Variants in SALL1 observed in about 807,000 individuals in gnomAD.
The protein encoded by SALL1 is spalt like transcription factor 1, also known as sal-like protein 1.
Under a neutral mutation model 73.1 loss-of-function variants are expected in SALL1, and 10 were observed. That is an observed-to-expected ratio of 0.14 (90% CI 0.08 to 0.23). The LOEUF is 0.23. SALL1 is among the 10% of genes least tolerant of loss of function. The pLI, the probability that SALL1 is intolerant of heterozygous loss-of-function variation, is 1.00. For synonymous variants in SALL1, 688 were observed against 689.8 expected (o/e 1.00, Z 0.04); for missense variants, 1,520 against 1,697.3 (o/e 0.90, Z 1.84).
chr16:51,151,745 C>T (rs1239652540), upstream of SALL1, among the ~76,000 whole-genome samples: 1 of 121,094 alleles, frequency 8.3e-6, no homozygotes, highest in Non-Finnish European at 1.7e-5. Context: ...CCCTCCTTCG[C>T]CCCCCCCCAC....
chr16:51,149,081 AC>A (rs1354909206), intron 1 of SALL1, among the ~76,000 whole-genome samples: 1 of 152,182 alleles, frequency 6.6e-6, no homozygotes, highest in African/African-American at 2.4e-5. Context: ...TACTTAACTT[AC>A]CTCAAAGCTC....
In SALL1 at chr16:51,139,493, T is replaced by C. The variant is rs1012247788; in HGVS notation, c.2729A>G (p.Glu910Gly). Residue 910 changes from glutamate to glycine, a missense_variant, in exon 2 of 3, where the codon GAA becomes GGA. Glu to Gly is a moderately conservative substitution (Grantham distance 98). Around this residue, in one of 7 missense-constraint regions of SALL1, gnomAD observed 266 missense variants for 275.1 expected, o/e 0.97. Coordinates refer to ENST00000251020, the MANE Select transcript of SALL1 (RefSeq NM_002968.3). ...NDSSSVGGDM[E>G]SQSAGSPAIS... ...GGCTGGGCTGCCAGCACTTTGGCTT[T>C]CCATGTCACCACCCACTGAGGATGA... The C allele has an allele frequency of 6.2e-7, 1 of 1,614,086 alleles. No individual in the cohort carries two copies. The highest frequency in any genetic ancestry group is 1.3e-5 in the African/African-American group (1 of 74,924).
chr16:51,150,971 G>A (rs963014420), intron 1 of SALL1, 195 bp downstream of exon 1: 140 of 415,814 alleles, frequency 3.4e-4, no homozygotes, highest in Middle Eastern at 1.2e-3. Flanking sequence ...TTTCCCCGGG[G>A]CAGCGGGGGA....
rs780622327 is a variant in SALL1 at position 51,139,773 on chromosome 16, T to C, written c.2449A>G (p.Asn817Asp). 1 of 1,614,072 alleles carries C rather than the reference T, an allele frequency of 6.2e-7. No individual in the cohort carries two copies. The highest frequency in any genetic ancestry group is 1.7e-5 in the Admixed American group (1 of 60,006). ...GAGAAGTTGTCTAGGTCATCAAAAT[T>C]TTTCTCATCAAAGGAACCTGTGTCA... ...ESDTGSFDEK[N>D]FDDLDNFSDE... is the part of the protein sequence containing the mutation. The change falls in exon 2 of 3, where the codon AAT becomes GAT. Residue 817 changes from asparagine (N) to aspartate (D), a missense_variant. Physicochemically the swap from Asn to Asp is conservative, Grantham distance 23. Transcript: ENST00000251020.
Position 51,140,950 on chromosome 16 carries a change from C to G in SALL1, c.1272G>C (p.Gln424His). The G allele has an allele frequency of 7.4e-6, 12 of 1,614,246 alleles. No individual in the cohort carries two copies. Among genetic ancestry groups the G allele is most frequent in the Non-Finnish European group, 1.0e-5 (12 of 1,180,056 alleles). Residue 424 changes from glutamine (Q) to histidine (H), a missense_variant, in exon 2 of 3, where the codon CAG becomes CAC. Transcript: ENST00000251020. The surrounding 1 kb of genome is among the most constrained non-coding windows in gnomAD (Gnocchi z 5.7). The stretch of plus-strand genomic sequence containing the variant: ...CATTTGGTGGCTTGCTTTTTCTTTG[C>G]TGGGCCAAGGCAGACAAGGAGTTTA... Reference protein sequence around the residue: ...EDLNSLSALAQQRKSKPPNVT... With the variant: ...EDLNSLSALAHQRKSKPPNVT...
chr16:51,151,309 A>C, upstream of SALL1: 4 of 1,207,402 alleles, frequency 3.3e-6, no homozygotes, highest in Non-Finnish European at 4.4e-6. Context: ...AAATTACGGA[A>C]ATCGAGCGGC....
At chr16:51,145,513 T>C (rs1962503842) in intron 1 of SALL1, among the ~76,000 whole-genome samples, 1 of 152,142 alleles carries the variant, frequency 6.6e-6, no homozygotes, top group Non-Finnish European at 1.5e-5. Flanking sequence ...TGGAATTTTC[T>C]GGGCCTTTTG....
At chr16:51,151,816 G>A (rs1297304007), upstream of SALL1, among the ~76,000 whole-genome samples, 2 of 151,306 alleles carry the variant, frequency 1.3e-5, no homozygotes, top group Admixed American at 6.6e-5. Flanking sequence ...CGCCCCGGGT[G>A]GGGGGTGGGG....
At chr16:51,151,349 G>A, upstream of SALL1, 1 of 577,662 alleles carries the variant, frequency 1.7e-6, no homozygotes, top group East Asian at 5.0e-5. Flanking sequence ...CCCGCCCGCC[G>A]GCCCGCCCGC....
At chr16:51,151,367 C>T (rs1962603867), upstream of SALL1, 3 of 361,110 alleles carry the variant, frequency 8.3e-6, no homozygotes, top group East Asian at 6.0e-5. Flanking sequence ...CGCCCCCTCC[C>T]CGGCTCCCCG....
In SALL1 at chr16:51,151,174, C is replaced by A; in HGVS notation, c.68G>T (p.Arg23Leu). ...CGGGCCGGAGCACTCACCATCTCGC[C>A]GGGGGAGCGAGGCCACTTCGGGGTC... ...QSDPEVASLP[R>L]RDGDTEKGQP... Residue 23 changes from arginine (R) to leucine (L), a missense_variant, in exon 1 of 3, where the codon CGG (arginine) becomes CTG (leucine). Physicochemically the swap from Arg to Leu is moderately radical, Grantham distance 102. Around this residue, in one of 7 missense-constraint regions of SALL1, gnomAD observed 540 missense variants for 567.5 expected, o/e 0.95. Coordinates refer to ENST00000251020, the MANE Select transcript of SALL1 (RefSeq NM_002968.3). The A allele has an allele frequency of 6.3e-7, 1 of 1,596,232 alleles. No homozygotes were observed. The highest frequency in any genetic ancestry group is 2.3e-5 in the East Asian group (1 of 44,014).
rs774128799 is a variant in SALL1 at position 51,139,939 on chromosome 16, C to G, written c.2283G>C (p.Pro761=). The G allele has an allele frequency of 1.5e-5, 25 of 1,614,088 alleles. No individual in the cohort carries two copies. The African/African-American group carries it at 2.7e-4, about 17-fold the overall frequency. The change falls in exon 2 of 3, where the codon CCG becomes CCC. Residue 761 remains proline, a synonymous_variant. Coordinates refer to ENST00000251020, the MANE Select transcript of SALL1 (RefSeq NM_002968.3). ...THYSVHRAMP[P]LRVQHSCPIC... ...TGGGGCAGGAATGCTGGACTCTGAG[C>G]GGGGGCATAGCACGATGGACACTGT...
intron 1 of SALL1, chr16:51,150,432 A>T: frequency 1.0e-6 from 1 of 985,524 alleles, no homozygotes; most frequent in Middle Eastern, 5.2e-4. Context: ...AGAGATGCGG[A>T]GATAAATTTT....
rs887605530 is a variant in SALL1, at chr16:51,142,297, C to G, written c.77-152G>C. On this transcript the variant is annotated intron_variant, in intron 1 of 2. Transcript: ENST00000251020. ...CCAATCAATATTACCTAAGAACATC[C>G]ATAATTAATTTGTAAGGGTATGGAG... 9.0e-6 allele frequency: 6 copies of G among 667,008 alleles called. No homozygotes were observed. In the African/African-American group the frequency reaches 1.1e-4, roughly 12 times the overall value. The allele number at this position is 667,008 out of a possible 1,614,324, so 41.3% of individuals were successfully genotyped here. A position where few individuals can be genotyped will look rare whatever the true frequency, so the allele number is the denominator to read the frequency against.
chr16:51,137,190 T>A lies in SALL1; in HGVS notation c.3897A>T (p.Lys1299Asn). ...EPNAPLAGLE[K>N]MASSENGTNF... ...TGGTTCCGTTCTCACTGCTTGCCAT[T>A]TTCTCCAGGCCGGCCAGGGGAGCAT... Residue 1299 changes from lysine (K) to asparagine (N), a missense_variant, in exon 3 of 3, where the codon AAA (lysine) becomes AAT (asparagine). Physicochemically the swap from Lys to Asn is moderately conservative, Grantham distance 94. Transcript: ENST00000251020. 1 of 1,614,086 alleles carries A rather than the reference T, an allele frequency of 6.2e-7. No individual in the cohort carries two copies. The highest frequency in any genetic ancestry group is 1.3e-5 in the African/African-American group (1 of 75,014).
rs778003040 is a variant in SALL1, at chr16:51,142,140, T to C, written c.82A>G (p.Thr28Ala). 1 of 1,611,980 alleles carries C rather than the reference T, an allele frequency of 6.2e-7. No individual in the cohort carries two copies. Among genetic ancestry groups the C allele is most frequent in the Non-Finnish European group, 8.5e-7 (1 of 1,179,196 alleles). ...VASLPRRDGD[T>A]EKGQPSRPTK... ...GGGCGACTCGGTTGACCCTTTTCTGTGTCTCCTACAAATGTCAAAAAGGTG... is the reference window on the plus strand; with the variant it reads ...GGGCGACTCGGTTGACCCTTTTCTGCGTCTCCTACAAATGTCAAAAAGGTG... Residue 28 changes from threonine to alanine, a missense_variant, in exon 2 of 3, where the codon ACA becomes GCA. By Grantham distance (58) the Thr-to-Ala change is moderately conservative (BLOSUM62 0). Coordinates refer to ENST00000251020, the MANE Select transcript of SALL1 (RefSeq NM_002968.3).
In SALL1 at chr16:51,139,530, G is replaced by A. The variant is rs1329817667; in HGVS notation, c.2692C>T (p.Leu898=). 6.2e-7 allele frequency: 1 copy of A among 1,614,086 alleles called. No homozygotes were observed. The highest frequency in any genetic ancestry group is 8.5e-7 in the Non-Finnish European group (1 of 1,180,050). ...VENGSIEGDV[L]TNDSSSVGGD... is the part of the protein sequence containing the mutation. ...CCCACTGAGGATGAATCATTGGTCA[G>A]GACATCCCCCTCGATGGACCCATTC... Residue 898 remains leucine, a synonymous_variant, in exon 2 of 3, where the codon CTG becomes TTG. Coordinates refer to ENST00000251020, the MANE Select transcript of SALL1 (RefSeq NM_002968.3).
intron 1 of SALL1, among the ~76,000 whole-genome samples, chr16:51,147,147 C>T (rs995494683): frequency 1.3e-5 from 2 of 152,098 alleles, no homozygotes; most frequent in Admixed American, 1.3e-4. Flanking sequence ...AAATAGAGCC[C>T]CCAAAGAAGA....
chr16:51,150,889 C>A (rs1432804273), intron 1 of SALL1: 1 of 357,294 alleles, frequency 2.8e-6, no homozygotes, highest in Admixed American at 4.7e-5. Context: ...GAAGCCAGGC[C>A]GGCATGCCCG....
Sources: gnomAD v4.1 joint callset for allele counts (sites outside exome capture counted in the v4.1 genomes callset) on GRCh38, gnomAD v4.1.1 for gene constraint, gnomAD v4.1.1 regional missense constraint, Gnocchi (gnomAD v3.1) non-coding constraint, MANE v1.5 for transcripts, NCBI Gene and HGNC (gene_info 2026-07-23, HGNC 2026-07-21) for gene names.